ICOS: variants seen among roughly 807,000 people sequenced by gnomAD.
The protein encoded by ICOS is inducible T cell costimulator.
ICOS carries 15 observed loss-of-function variants against 24.6 expected under a neutral mutation model. That is an observed-to-expected ratio of 0.61 (90% CI 0.41 to 0.94). ICOS has a LOEUF of 0.94. ICOS is among the 40% of genes least tolerant of loss of function. The pLI is 0.00. For missense variants in ICOS, 200 were observed against 233.0 expected (o/e 0.86, Z 0.92); for synonymous variants, 89 against 77.5 (o/e 1.15, Z -0.78).
At chr2:203,957,691 TATC>T (rs1690100925) in intron 3 of ICOS, 105 bp from the exon 4 acceptor site, 2 of 816,528 alleles carry the variant, frequency 2.4e-6, no homozygotes, top group Non-Finnish European at 4.3e-6. Context: ...TAAGTCACAT[TATC>T]ATGTTTTTGT....
chr2:203,956,580 A>T, intron 2 of ICOS, 79 bp from the exon 3 acceptor site: 1 of 967,224 alleles, frequency 1.0e-6, no homozygotes, highest in Non-Finnish European at 1.7e-6. Context: ...TCATTTGATT[A>T]AATAGCTCTT....
At chr2:203,952,433 C>CAGAAGCTCCTTGGAAGG (rs1464793754) in intron 1 of ICOS, among the ~76,000 whole-genome samples, 1 of 152,122 alleles carries the variant, frequency 6.6e-6, no homozygotes, top group Non-Finnish European at 1.5e-5. Context: ...TTGAAACAGT[C>CAGAAGCTCCTTGGAAGG]TAATAGTTGC....
intron 4 of ICOS, among the ~76,000 whole-genome samples, chr2:203,958,987 A>G (rs936569325): frequency 2.0e-5 from 3 of 152,122 alleles, no homozygotes; most frequent in Admixed American, 6.5e-5. Context: ...GACAGCCAAC[A>G]AGGAGAAGCA....
At chr2:203,954,487 G>A (rs1332223829) in intron 1 of ICOS, among the ~76,000 whole-genome samples, 1 of 152,134 alleles carries the variant, frequency 6.6e-6, no homozygotes, top group Admixed American at 6.6e-5. Context: ...TTCTTGGGAG[G>A]CTGAGGCAGG....
chr2:203,958,254 T>C (rs1690112401), intron 4 of ICOS, among the ~76,000 whole-genome samples: 1 of 152,154 alleles, frequency 6.6e-6, no homozygotes, highest in Non-Finnish European at 1.5e-5. Context: ...TAAGTGTGAG[T>C]TACTGAGTGA....
Position 203,959,838 on chromosome 2 carries a change from C to T in ICOS, c.*239C>T. The T allele has an allele frequency of 1.7e-6, 1 of 596,518 alleles. No individual in the cohort carries two copies. 37.0% of individuals were successfully genotyped at this position (596,518 alleles called of 1,614,324 possible). ...CTCTTGCAACCAGCTTTGGAGAAAG[C>T]CCAGCTCCTGTGTGCTCACTGGGAG... On this transcript the variant is annotated 3_prime_UTR_variant, in exon 5 of 5. Coordinates refer to ENST00000316386, the MANE Select transcript of ICOS (RefSeq NM_012092.4).
At chr2:203,956,885 T>C in intron 3 of ICOS, 120 bp downstream of exon 3, 1 of 723,962 alleles carries the variant, frequency 1.4e-6, no homozygotes, top group South Asian at 1.5e-5. Context: ...GACAATTCCT[T>C]CCCCCCAAGA....
intron 1 of ICOS, among the ~76,000 whole-genome samples, chr2:203,937,263 G>A (rs1689670185): frequency 6.6e-6 from 1 of 152,114 alleles, no homozygotes; most frequent in African/African-American, 2.4e-5. Context: ...TCTTTCTGTG[G>A]TAGAAAATAA....
chr2:203,953,585 G>A (rs771923278), intron 1 of ICOS, among the ~76,000 whole-genome samples: 9 of 152,142 alleles, frequency 5.9e-5, no homozygotes, highest in Non-Finnish European at 1.0e-4. Flanking sequence ...ATAAAATTAA[G>A]GCAACTAGTG....
rs2105757046 is a variant in ICOS, at chr2:203,959,613, C to T, written c.*14C>T. The T allele has an allele frequency of 6.2e-7, 1 of 1,612,556 alleles. No homozygotes were observed. The highest frequency in any genetic ancestry group is 1.3e-5 in the African/African-American group (1 of 74,882). ...GTGACCCTATAATATGGAACTCTGG[C>T]ACCCAGGCATGAAGCACGTTGGCCA... On this transcript the variant is annotated 3_prime_UTR_variant, in exon 5 of 5. Transcript: ENST00000316386.
At chr2:203,959,532 G>C in intron 4 of ICOS, 54 bp from the exon 5 acceptor site, 2 of 1,537,512 alleles carry the variant, frequency 1.3e-6, no homozygotes, top group East Asian at 4.5e-5. Flanking sequence ...GCTTCTTGTA[G>C]GGAACTGGCA....
At chr2:203,956,600 G>A (rs1049724011) in intron 2 of ICOS, 59 bp from the exon 3 acceptor site, 87 of 1,145,330 alleles carry the variant, frequency 7.6e-5, no homozygotes, top group Admixed American at 1.2e-4. Context: ...TTTAAATTTG[G>A]TAAGAGAACT....
intron 1 of ICOS, among the ~76,000 whole-genome samples, chr2:203,949,473 C>T (rs764301793): frequency 1.5e-4 from 23 of 152,064 alleles, no homozygotes; most frequent in Non-Finnish European, 2.9e-4. Flanking sequence ...AAAGAGGTCA[C>T]CAGATCTGAC....
At chr2:203,937,653 T>C (rs1458693688) in intron 1 of ICOS, among the ~76,000 whole-genome samples, 1 of 152,232 alleles carries the variant, frequency 6.6e-6, no homozygotes, top group African/African-American at 2.4e-5. Flanking sequence ...AGTTAAGTAA[T>C]ATTAAATAAC....
At chr2:203,959,055 T>C (rs949292600) in intron 4 of ICOS, among the ~76,000 whole-genome samples, 6 of 152,158 alleles carry the variant, frequency 3.9e-5, no homozygotes, top group African/African-American at 9.7e-5. Flanking sequence ...CCTGACTTCA[T>C]TGGACCTCTG....
At chr2:203,943,087 G>A (rs1689805635) in intron 1 of ICOS, among the ~76,000 whole-genome samples, 1 of 151,948 alleles carries the variant, frequency 6.6e-6, no homozygotes, top group Admixed American at 6.6e-5. Context: ...TCCTTGCATT[G>A]GGCTTCACCT....
At chr2:203,943,681 A>AG (rs1447025875) in intron 1 of ICOS, among the ~76,000 whole-genome samples, 2 of 152,106 alleles carry the variant, frequency 1.3e-5, no homozygotes, top group African/African-American at 4.8e-5. Context: ...GTAATAGTAT[A>AG]GAGAGGGTCT....
In ICOS at chr2:203,957,442, C is replaced by T. The variant is rs117892843; in HGVS notation, c.502-357C>T. 9.8e-3 allele frequency among the ~76,000 whole-genome samples: 1,488 copies of T among 152,262 alleles called. 39 individuals carry two copies. The highest frequency in any genetic ancestry group is 0.046 in the East Asian group (237 of 5,188). Reference sequence around the variant, plus strand: ...AGAACTGACACCACTCTGCATATTACGCGAGTATGCTAGTACTCAAGTATA... The same window carrying T: ...AGAACTGACACCACTCTGCATATTATGCGAGTATGCTAGTACTCAAGTATA... On this transcript the variant is annotated intron_variant, in intron 3 of 4. Transcript: ENST00000316386.
intron 1 of ICOS, among the ~76,000 whole-genome samples, chr2:203,939,777 C>T (rs980098195): frequency 1.6e-4 from 24 of 152,240 alleles, no homozygotes; most frequent in African/African-American, 5.5e-4. Flanking sequence ...GACCTTGGAG[C>T]CCCTCTTAGC....
Sources: allele counts gnomAD v4.1 joint callset (sites outside exome capture counted in the v4.1 genomes callset), GRCh38; gene constraint gnomAD v4.1.1; transcripts MANE v1.5; gene names NCBI Gene and HGNC (gene_info 2026-07-23, HGNC 2026-07-21).